The following TSHR variants were observed in gnomAD, a reference collection of about 807,000 sequenced individuals.
TSHR encodes thyroid stimulating hormone receptor.
In TSHR, 51 loss-of-function variants were observed where a neutral mutation model predicts 64.1. The ratio of observed to expected loss-of-function variants is 0.80; its 90% CI spans 0.64 to 1.01. TSHR has a LOEUF of 1.01. Ranked by LOEUF, TSHR falls within the 50% of genes least tolerant of loss-of-function variation. The pLI is 0.00. For missense variants in TSHR, 877 were observed against 942.8 expected (o/e 0.93, Z 0.91); for synonymous variants, 361 against 361.9 (o/e 1.00, Z 0.03).
At chr14:80,968,010 G>A (rs903899791) in intron 1 of TSHR, among the ~76,000 whole-genome samples, 3 of 152,294 alleles carry the variant, frequency 2.0e-5, no homozygotes, top group East Asian at 3.9e-4. Context: ...CTATCCATCA[G>A]TTCTTGGCTC....
chr14:81,083,813 TG>T (rs1187387732), intron 3 of TSHR, among the ~76,000 whole-genome samples: 1 of 152,188 alleles, frequency 6.6e-6, no homozygotes, highest in Non-Finnish European at 1.5e-5. Flanking sequence ...TCTGCATGGC[TG>T]GGGAGGCCTC....
intron 1 of TSHR, among the ~76,000 whole-genome samples, chr14:80,979,484 G>A (rs924834347): frequency 5.3e-5 from 8 of 152,128 alleles, no homozygotes; most frequent in Non-Finnish European, 7.3e-5. Flanking sequence ...TAACAATAAT[G>A]TATTGTTTAT....
At chr14:81,028,008 A>G (rs1254501388) in intron 1 of TSHR, among the ~76,000 whole-genome samples, 1 of 152,168 alleles carries the variant, frequency 6.6e-6, no homozygotes, top group Non-Finnish European at 1.5e-5. Flanking sequence ...CAGAAAAGAA[A>G]AGCAAGAAGA....
chr14:80,985,790 A>G (rs927869569), intron 1 of TSHR, among the ~76,000 whole-genome samples: 3 of 152,234 alleles, frequency 2.0e-5, no homozygotes, highest in African/African-American at 7.2e-5. Context: ...ATATGCCTCT[A>G]TAACAACAAC....
chr14:81,000,719 T>C (rs1197000592), intron 1 of TSHR, among the ~76,000 whole-genome samples: 9 of 152,210 alleles, frequency 5.9e-5, no homozygotes, highest in Non-Finnish European at 8.8e-5. Flanking sequence ...AATCTTCCAG[T>C]TTTGTTTCAC....
intron 1 of TSHR, among the ~76,000 whole-genome samples, chr14:81,015,835 C>A (rs1338232942): frequency 6.6e-6 from 1 of 152,022 alleles, no homozygotes; most frequent in African/African-American, 2.4e-5. Flanking sequence ...TTCTGTAGTT[C>A]AATTTTTTTA....
At chr14:81,082,273 C>G (rs1458161064) in intron 3 of TSHR, among the ~76,000 whole-genome samples, 1 of 152,224 alleles carries the variant, frequency 6.6e-6, no homozygotes, top group Non-Finnish European at 1.5e-5. Flanking sequence ...CTACAGCTGC[C>G]TGGGCACCAT....
At chr14:81,049,077 A>C (rs1167909883) in intron 1 of TSHR, among the ~76,000 whole-genome samples, 1 of 152,214 alleles carries the variant, frequency 6.6e-6, no homozygotes, top group Non-Finnish European at 1.5e-5. Context: ...GTTTCCAAGA[A>C]CCTAACCAGG....
At chr14:80,960,139 A>G (rs1886942209) in intron 1 of TSHR, among the ~76,000 whole-genome samples, 1 of 152,246 alleles carries the variant, frequency 6.6e-6, no homozygotes, top group Non-Finnish European at 1.5e-5. Flanking sequence ...TAGTATCGAA[A>G]GGATGGAAAG....
At chr14:80,957,424 G>A (rs1436958607) in intron 1 of TSHR, among the ~76,000 whole-genome samples, 5 of 148,962 alleles carry the variant, frequency 3.4e-5, no homozygotes, top group East Asian at 3.9e-4. Flanking sequence ...ATTCAACCCC[G>A]AATTCCTGAA....
intron 4 of TSHR, among the ~76,000 whole-genome samples, chr14:81,088,501 C>T (rs1888460570): frequency 1.3e-5 from 2 of 152,206 alleles, no homozygotes; most frequent in South Asian, 4.1e-4. Context: ...CCAGCACTCA[C>T]TGCTTTGCTT....
intron 1 of TSHR, among the ~76,000 whole-genome samples, chr14:81,025,589 A>G (rs1892683394): frequency 6.6e-6 from 1 of 152,196 alleles, no homozygotes; most frequent in Non-Finnish European, 1.5e-5. Flanking sequence ...TATAATAGAC[A>G]ATACATTAAA....
rs769386347 is a variant in TSHR at position 81,144,394 on chromosome 14, A to T, written c.*41A>T. ...CTCACAATGGTAGGGGAACTTACAAAATAATAGTTTCTTGAATATGCATTC... is the reference window on the plus strand; with the variant it reads ...CTCACAATGGTAGGGGAACTTACAATATAATAGTTTCTTGAATATGCATTC... On this transcript the variant is annotated 3_prime_UTR_variant, in exon 10 of 10. Coordinates refer to ENST00000298171, the MANE Select transcript of TSHR (RefSeq NM_000369.5). 3 of 1,601,890 alleles carry T rather than the reference A, an allele frequency of 1.9e-6. No individual in the cohort carries two copies. The South Asian group carries it at 3.3e-5, about 18-fold the overall frequency.
chr14:81,079,891 G>A (rs7160409), intron 3 of TSHR, among the ~76,000 whole-genome samples: 5,378 of 150,756 alleles, frequency 0.036, 317 homozygotes, highest in African/African-American at 0.12. Flanking sequence ...AGAAAAAGAA[G>A]TGCTGCCCTC....
intron 8 of TSHR, among the ~76,000 whole-genome samples, chr14:81,117,594 G>T (rs1255766707): frequency 7.1e-6 from 1 of 140,070 alleles, no homozygotes; most frequent in Non-Finnish European, 1.5e-5. Flanking sequence ...TCTACCAGAG[G>T]TACAAGGAGG....
At chr14:80,966,937 AG>A (rs1210405154) in intron 1 of TSHR, among the ~76,000 whole-genome samples, 1 of 152,138 alleles carries the variant, frequency 6.6e-6, no homozygotes, top group African/African-American at 2.4e-5. Context: ...TTTTATTATA[AG>A]GGCACTAATT....
Position 81,123,710 on chromosome 14 carries a change from C to T in TSHR, c.692+15258C>T, listed in dbSNP as rs572660825. On this transcript the variant is annotated intron_variant, in intron 8 of 9. Transcript: ENST00000298171. ...ACTTAATCATTGTTTTTCAAGGTCA[C>T]TTCTCAAAAGATAATCTAATTTAAA... 7.9e-5 allele frequency among the ~76,000 whole-genome samples: 12 copies of T among 152,284 alleles called. No individual in the cohort carries two copies. The South Asian group carries it at 2.3e-3, about 29-fold the overall frequency.
intron 1 of TSHR, among the ~76,000 whole-genome samples, chr14:81,029,442 G>A (rs191098623): frequency 3.9e-4 from 59 of 152,194 alleles, no homozygotes; most frequent in African/African-American, 1.3e-3. Context: ...AGACATGGAA[G>A]GGGAGCGAAA....
At chr14:81,100,818 ATGTG>A (rs1227959230) in intron 7 of TSHR, among the ~76,000 whole-genome samples, 1 of 152,142 alleles carries the variant, frequency 6.6e-6, no homozygotes, top group East Asian at 1.9e-4. Context: ...TCAGCTCCAC[ATGTG>A]CCTTGACCAC....
Sources: gnomAD v4.1 joint callset for allele counts (sites outside exome capture counted in the v4.1 genomes callset) on GRCh38, gnomAD v4.1.1 for gene constraint, MANE v1.5 for transcripts, NCBI Gene and HGNC (gene_info 2026-07-23, HGNC 2026-07-21) for gene names.